Variants in SLC11A1 observed in about 807,000 individuals in gnomAD.
SLC11A1 encodes natural resistance-associated macrophage protein 1.
SLC11A1 carries 59 observed loss-of-function variants against 63.2 expected under a neutral mutation model. The observed-to-expected ratio is 0.93, with a 90% CI of 0.76 to 1.16. The LOEUF is 1.16. SLC11A1 is among the 50% of genes most tolerant of loss of function. The pLI, the probability that SLC11A1 is intolerant of heterozygous loss-of-function variation, is 0.00. For missense variants in SLC11A1, 688 were observed against 730.7 expected (o/e 0.94, Z 0.67); for synonymous variants, 305 against 307.8 (o/e 0.99, Z 0.09).
chr2:218,389,849 C>T, intron 8 of SLC11A1, 21 bp from the exon 9 acceptor site: 1 of 1,594,974 alleles, frequency 6.3e-7, no homozygotes, highest in South Asian at 1.1e-5. Flanking sequence ...TGGCACTTCC[C>T]TCTCCCTTTG....
At chr2:218,393,225 C>T in intron 12 of SLC11A1, 95 bp downstream of exon 12, 1 of 1,267,622 alleles carries the variant, frequency 7.9e-7, no homozygotes, top group South Asian at 1.8e-5. Context: ...CCTGCCAGGC[C>T]CTGTCCCAGG....
rs572949819 is a variant in SLC11A1 at position 218,394,159 on chromosome 2, A to T, written c.1354A>T (p.Met452Leu). ...GCTGCCCATCCTCACGTTCACCAGC[A>T]TGCCCACCCTCATGCAGGAGTTTGC... ...AVLPILTFTS[M>L]PTLMQEFANG... The change falls in exon 13 of 15, where the codon ATG (methionine) becomes TTG (leucine). Residue 452 changes from methionine to leucine, a missense_variant. Coordinates refer to ENST00000233202, the MANE Select transcript of SLC11A1 (RefSeq NM_000578.4). 1 of 1,614,114 alleles carries T rather than the reference A, an allele frequency of 6.2e-7. No homozygotes were observed. The highest frequency in any genetic ancestry group is 8.5e-7 in the Non-Finnish European group (1 of 1,180,008).
intron 12 of SLC11A1, 118 bp downstream of exon 12, chr2:218,393,248 A>G: frequency 3.6e-6 from 4 of 1,097,264 alleles, no homozygotes; most frequent in Non-Finnish European, 2.4e-6. Flanking sequence ...CATCTTGCCT[A>G]CAAGGCTTCC....
In SLC11A1 at chr2:218,393,050, AC is replaced by A. The variant is rs1696547947; in HGVS notation, c.1236del (p.Val413CysfsTer9). On this transcript the variant is annotated frameshift_variant, in exon 12 of 15. Transcript: ENST00000233202. LOFTEE classifies it high-confidence loss of function. ...LLTRSCAILP[T>X]VLVAVFRDLR... ...CACCCGCTCCTGCGCCATCCTGCCC[AC>A]CGTGCTCGTGGCTGTCTTCCGGGAC... is the stretch of plus-strand genomic sequence containing the variant. The A allele has an allele frequency of 3.1e-6, 5 of 1,599,250 alleles. No homozygotes were observed. Among genetic ancestry groups the A allele is most frequent in the Non-Finnish European group, 4.3e-6 (5 of 1,176,434 alleles).
intron 12 of SLC11A1, 100 bp from the exon 13 acceptor site, chr2:218,394,020 A>G: frequency 8.5e-7 from 1 of 1,179,388 alleles, no homozygotes; most frequent in Non-Finnish European, 1.2e-6. Flanking sequence ...AGTTGAGCTC[A>G]CACCCACACA....
chr2:218,391,753 G>A, intron 11 of SLC11A1: 1 of 407,806 alleles, frequency 2.5e-6, no homozygotes, highest in East Asian at 5.0e-5. Flanking sequence ...CTCCTCAGTA[G>A]CTGGGATTTC....
rs1281902374 is a variant in SLC11A1 at position 218,396,879 on chromosome 2, T to A, written c.*1844T>A. 1 of 152,488 alleles carries A rather than the reference T, an allele frequency of 6.6e-6. No homozygotes were observed. The highest frequency in any genetic ancestry group is 1.5e-5 in the Non-Finnish European group (1 of 68,220). The allele number at this position is 152,488 out of a possible 1,614,324, so 9.4% of individuals were successfully genotyped here. Reference sequence around the variant, plus strand: ...GGGCGGCAAAGTCCCGAATTAAAGATGTCAGTTCTCAAGGACCCCACACTC... The same window carrying A: ...GGGCGGCAAAGTCCCGAATTAAAGAAGTCAGTTCTCAAGGACCCCACACTC... On this transcript the variant is annotated 3_prime_UTR_variant, in exon 15 of 15. Transcript: ENST00000233202.
intron 6 of SLC11A1, 94 bp from the exon 7 acceptor site, chr2:218,387,471 T>C (rs1696164873): frequency 7.7e-7 from 1 of 1,297,340 alleles, no homozygotes; most frequent in Non-Finnish European, 1.1e-6. Flanking sequence ...CTTGGCACTG[T>C]GCCTAGAAGC....
chr2:218,390,678 AAGGAGGGAG>A (rs1194252941), intron 9 of SLC11A1, among the ~76,000 whole-genome samples: 1 of 151,532 alleles, frequency 6.6e-6, no homozygotes, highest in Non-Finnish European at 1.5e-5. Flanking sequence ...TCCTTGGCAC[AAGGAGGGAG>A]ATCAACATCA....
At position 218,386,497 on chromosome 2, in the gene SLC11A1, T is replaced by C. The variant is rs936936683; in HGVS notation, c.394-138T>C. The stretch of plus-strand genomic sequence containing the variant: ...TATCTCTGCCTTTCCATCTCCTGTA[T>C]GCTCTTCCTACATAAGGTAGGAAGC... On this transcript the variant is annotated intron_variant, in intron 4 of 14. Coordinates refer to ENST00000233202, the MANE Select transcript of SLC11A1 (RefSeq NM_000578.4). The C allele has an allele frequency of 6.4e-6, 4 of 624,560 alleles. No individual in the cohort carries two copies. In the East Asian group the frequency reaches 8.3e-5, roughly 13 times the overall value. The allele number at this position is 624,560 out of a possible 1,614,324, so 38.7% of individuals were successfully genotyped here. A position where few individuals can be genotyped will look rare whatever the true frequency, so the allele number is the denominator to read the frequency against.
chr2:218,386,032 C>T (rs1696080238), intron 4 of SLC11A1, among the ~76,000 whole-genome samples: 2 of 152,216 alleles, frequency 1.3e-5, no homozygotes, highest in African/African-American at 2.4e-5. Context: ...CTGGCACAAG[C>T]CCCAGAGCCA....
intron 6 of SLC11A1, 73 bp downstream of exon 6, chr2:218,387,303 C>A: frequency 7.0e-7 from 1 of 1,435,240 alleles, no homozygotes; most frequent in Non-Finnish European, 9.6e-7. Context: ...GCTCTGACAT[C>A]GAACAGCCTG....
rs1256611607 is a variant in SLC11A1, at chr2:218,394,848, G to A, written c.1542+63G>A. On this transcript the variant is annotated intron_variant, in intron 14 of 14. Coordinates refer to ENST00000233202, the MANE Select transcript of SLC11A1 (RefSeq NM_000578.4). ...GGGAAGGACAAGAGGCAACCAATGG[G>A]GAGGGTTTGGGGGGACACAATGGGG... The A allele has an allele frequency of 3.7e-5, 60 of 1,607,094 alleles. No homozygotes were observed. The Admixed American group carries it at 9.2e-4, about 25-fold the overall frequency.
rs781414798 is a variant in SLC11A1, at chr2:218,382,986, G to A, written c.34G>A (p.Gly12Arg). 42 of 1,613,978 alleles carry A rather than the reference G, an allele frequency of 2.6e-5. No individual in the cohort carries two copies. The highest frequency in any genetic ancestry group is 3.2e-5 in the Non-Finnish European group (38 of 1,180,038). ...TGDKGPQRLS[G>R]SSYGSISSPT... ...TGACAAGGGTCCCCAAAGGCTAAGC[G>A]GGTCCAGCTATGGTTCCATCTCCAG... The change falls in exon 2 of 15, where the codon GGG becomes AGG. Residue 12 changes from glycine to arginine, a missense_variant. Gly to Arg is a moderately radical substitution (Grantham distance 125). Transcript: ENST00000233202.
intron 11 of SLC11A1, chr2:218,392,103 C>G (rs980953240): frequency 5.0e-6 from 2 of 403,236 alleles, no homozygotes; most frequent in African/African-American, 4.3e-5. Flanking sequence ...GCGTTTCGCT[C>G]TTATTGCCCA....
At chr2:218,390,972 G>A (rs116003063) in intron 9 of SLC11A1, among the ~76,000 whole-genome samples, 6,836 of 152,182 alleles carry the variant, frequency 0.045, 211 homozygotes, top group Non-Finnish European at 0.065. Context: ...GCTTGAGCCC[G>A]GGAGTTCAAG....
Position 218,384,978 on chromosome 2 carries a change from C to T in SLC11A1, c.274-169C>T. ...ACTCAAGCAATCCTCCCACCTTAGC[C>T]TTTTAAAGTGCTGGGATTACAGGGT... On this transcript the variant is annotated intron_variant, in intron 3 of 14. Transcript: ENST00000233202. This position sits in a 1 kb window ranked among gnomAD's most constrained non-coding sequence, Gnocchi z 4.0. 1 of 795,302 alleles carries T rather than the reference C, an allele frequency of 1.3e-6. No homozygotes were observed. The highest frequency in any genetic ancestry group is 2.0e-6 in the Non-Finnish European group (1 of 509,354). 49.3% of individuals were successfully genotyped at this position (795,302 alleles called of 1,614,324 possible). A position where few individuals can be genotyped will look rare whatever the true frequency, so the allele number is the denominator to read the frequency against.
chr2:218,394,795 G>A lies in SLC11A1; in HGVS notation c.1542+10G>A, dbSNP rs779377681. The A allele has an allele frequency of 3.1e-6, 5 of 1,611,358 alleles. No individual in the cohort carries two copies. Among genetic ancestry groups the A allele is most frequent in the South Asian group, 1.1e-5 (1 of 91,084 alleles). On this transcript the variant is annotated intron_variant, in intron 14 of 14. Transcript: ENST00000233202. ...CCTCAGCACCTACCTGGTACAGTAG[G>A]GCCAGGGGATGCCTTGGGAATGGAT...
intron 10 of SLC11A1, 42 bp downstream of exon 10, chr2:218,391,329 C>A: frequency 6.2e-7 from 1 of 1,613,894 alleles, no homozygotes; most frequent in Non-Finnish European, 8.5e-7. Flanking sequence ...CAGAGAGGCT[C>A]CCCGCCTCGG....
Sources: allele counts gnomAD v4.1 joint callset (sites outside exome capture counted in the v4.1 genomes callset), GRCh38; gene constraint gnomAD v4.1.1; non-coding constraint Gnocchi (gnomAD v3.1); transcripts MANE v1.5; gene names NCBI Gene and HGNC (gene_info 2026-07-23, HGNC 2026-07-21).